MARF1: variants seen among roughly 807,000 people sequenced by gnomAD.
MARF1 encodes meiosis regulator and mRNA stability factor 1.
MARF1 carries 24 observed loss-of-function variants against 168.2 expected under a neutral mutation model. The ratio of observed to expected loss-of-function variants is 0.14; its 90% CI spans 0.10 to 0.20. The LOEUF is 0.20. Among genes scored for constraint, MARF1 ranks in the 10% least tolerant of loss-of-function variants. MARF1 has a pLI of 1.00. For missense variants in MARF1, 1,744 were observed against 2,143.6 expected (o/e 0.81, Z 3.68); for synonymous variants, 868 against 822.4 (o/e 1.06, Z -0.95).
chr16:15,604,894 T>A (rs1244483569), intron 21 of MARF1, among the ~76,000 whole-genome samples: 1 of 152,152 alleles, frequency 6.6e-6, no homozygotes, highest in East Asian at 1.9e-4. Flanking sequence ...CTACTCTGAT[T>A]ACAAGGCAAG....
At chr16:15,616,995 T>G (rs1278393249) in intron 15 of MARF1, 57 bp downstream of exon 15, 1 of 1,572,994 alleles carries the variant, frequency 6.4e-7, no homozygotes, top group African/African-American at 1.4e-5. Context: ...AAGGGCAGGC[T>G]TCCTATAAAA....
At chr16:15,642,989 T>G in intron 1 of MARF1, 29 bp downstream of exon 1, 2 of 228,326 alleles carry the variant, frequency 8.8e-6, no homozygotes, top group Non-Finnish European at 1.8e-5. Flanking sequence ...CCTGCCGGGG[T>G]CTGGTCGCAG....
At chr16:15,642,615 C>A (rs1361634411) in intron 1 of MARF1, 2 of 152,400 alleles carry the variant, frequency 1.3e-5, no homozygotes, top group Non-Finnish European at 1.5e-5. Flanking sequence ...TGAGACTACA[C>A]CCTATGTGTT....
rs1224087448 is a variant in MARF1 at position 15,623,040 on chromosome 16, T to A, written c.2354A>T (p.Asp785Val). Reference sequence around the variant, plus strand: ...GACATCAGCACCATTTGCAAATGGGTCTGGGCAGTCGGCTTCGCTGCTCGA... The same window carrying A: ...GACATCAGCACCATTTGCAAATGGGACTGGGCAGTCGGCTTCGCTGCTCGA... Reference protein sequence around the residue: ...ANSSSEADCPDPFANGADVQV... With the variant: ...ANSSSEADCPVPFANGADVQV... The change falls in exon 11 of 27, where the codon GAC becomes GTC. Residue 785 changes from aspartate to valine, a missense_variant. Asp to Val is a radical substitution (Grantham distance 152). Around this residue, in one of 7 missense-constraint regions of MARF1, gnomAD observed 270 missense variants for 260.6 expected, o/e 1.04. Coordinates refer to ENST00000396368, the MANE Select transcript of MARF1 (RefSeq NM_014647.4). The A allele has an allele frequency of 6.2e-7, 1 of 1,611,690 alleles. No individual in the cohort carries two copies. The highest frequency in any genetic ancestry group is 8.5e-7 in the Non-Finnish European group (1 of 1,177,970).
chr16:15,615,843 C>G lies in MARF1; in HGVS notation c.3240G>C (p.Pro1080=). The G allele has an allele frequency of 6.4e-7, 1 of 1,564,014 alleles. No homozygotes were observed. Among genetic ancestry groups the G allele is most frequent in the Non-Finnish European group, 8.7e-7 (1 of 1,152,878 alleles). ...KVVKWIHNKP[P]PPNTDPWLLR... ...CCTGACACCTACCAGTGTTGGGAGG[C>G]GGGGGCTTGTTGTGAATCCATTTAA... is the stretch of plus-strand genomic sequence containing the variant. Residue 1080 remains proline, a synonymous_variant, in exon 16 of 27, where the codon CCG becomes CCC. Coordinates refer to ENST00000396368, the MANE Select transcript of MARF1 (RefSeq NM_014647.4).
chr16:15,642,903 C>A (rs1053863586), intron 1 of MARF1, 115 bp downstream of exon 1: 6 of 175,104 alleles, frequency 3.4e-5, no homozygotes, highest in Non-Finnish European at 6.1e-5. Flanking sequence ...CCCCTCTCCA[C>A]CACCATCCCA....
In MARF1 at chr16:15,630,411, A is replaced by C; in HGVS notation, c.1445T>G (p.Leu482Arg). The C allele has an allele frequency of 6.2e-7, 1 of 1,614,172 alleles. No individual in the cohort carries two copies. The highest frequency in any genetic ancestry group is 8.5e-7 in the Non-Finnish European group (1 of 1,179,988). The change falls in exon 7 of 27, where the codon CTG becomes CGG. Residue 482 changes from leucine (L) to arginine (R), a missense_variant. Physicochemically the swap from Leu to Arg is moderately radical, Grantham distance 102 (BLOSUM62 -2). This residue lies in a region of MARF1 where 217 missense variants were observed against 372.4 expected (regional missense o/e 0.58). Transcript: ENST00000396368. ...GATCAGCTCGTTAGCATGATGCAGC[A>C]GTGCTTCTGAGGCCTGGTTTTTATG... is the stretch of plus-strand genomic sequence containing the variant. ...LVHKNQASEA[L>R]LHHANELIRF... is the part of the protein sequence containing the mutation.
chr16:15,598,938 G>A lies in MARF1; in HGVS notation c.4900C>T (p.Pro1634Ser). ...GGGTCTGGTCTCAGCTGAGGGGACG[G>A]CAGGCACGAGGGGACAGGCGCACAC... Reference protein sequence around the residue: ...LLCAPVPSCLPSPQLRPDPVI... With the variant: ...LLCAPVPSCLSSPQLRPDPVI... The change falls in exon 26 of 27, where the codon CCG becomes TCG. Residue 1634 changes from proline to serine, a missense_variant. By Grantham distance (74) the Pro-to-Ser change is moderately conservative. Coordinates refer to ENST00000396368, the MANE Select transcript of MARF1 (RefSeq NM_014647.4). 6.2e-7 allele frequency: 1 copy of A among 1,613,796 alleles called. No homozygotes were observed. Among genetic ancestry groups the A allele is most frequent in the Non-Finnish European group, 8.5e-7 (1 of 1,179,944 alleles).
At chr16:15,598,284 G>A (rs928147039) in intron 26 of MARF1, among the ~76,000 whole-genome samples, 1 of 152,134 alleles carries the variant, frequency 6.6e-6, no homozygotes. Context: ...TTTATTCCAC[G>A]GCTCTCACCT....
chr16:15,627,390 C>T (rs1184310868), intron 7 of MARF1, among the ~76,000 whole-genome samples: 9 of 151,996 alleles, frequency 5.9e-5, no homozygotes, highest in East Asian at 1.9e-4. Context: ...GAGGCCAAAG[C>T]GGGTGATCAC....
chr16:15,628,704 C>T (rs975504207), intron 7 of MARF1, among the ~76,000 whole-genome samples: 33 of 152,298 alleles, frequency 2.2e-4, no homozygotes, highest in African/African-American at 6.7e-4. Flanking sequence ...GCGTGAGCCA[C>T]ATCACTCGGC....
At chr16:15,600,120 T>A (rs2032258263) in intron 25 of MARF1, among the ~76,000 whole-genome samples, 2 of 152,194 alleles carry the variant, frequency 1.3e-5, no homozygotes, top group Admixed American at 1.3e-4. Flanking sequence ...GCAAGTGTCA[T>A]GAATATCCAT....
chr16:15,639,432 GCT>G, intron 1 of MARF1, 141 bp from the exon 2 acceptor site: 1 of 621,548 alleles, frequency 1.6e-6, no homozygotes, highest in Non-Finnish European at 2.7e-6. Flanking sequence ...AGGAAGTCTC[GCT>G]CTGTCGCCCA....
chr16:15,597,690 CAAGAG>C (rs1567521246), intron 26 of MARF1, among the ~76,000 whole-genome samples: 2 of 152,326 alleles, frequency 1.3e-5, no homozygotes, highest in Admixed American at 6.5e-5. Flanking sequence ...GGCTGACCCT[CAAGAG>C]AAGAGCGGCT....
intron 16 of MARF1, 121 bp from the exon 17 acceptor site, chr16:15,612,898 C>T (rs2033695199): frequency 1.4e-6 from 1 of 731,114 alleles, no homozygotes; most frequent in Admixed American, 2.3e-5. Flanking sequence ...AAACCAAATA[C>T]AGTAGCTGCT....
At chr16:15,633,522 G>T in intron 5 of MARF1, 95 bp downstream of exon 5, 1 of 936,280 alleles carries the variant, frequency 1.1e-6, no homozygotes, top group Admixed American at 2.4e-5. Flanking sequence ...CTCCAGCCTG[G>T]GTGACACTTA....
intron 17 of MARF1, among the ~76,000 whole-genome samples, 157 bp downstream of exon 17, chr16:15,612,400 C>T (rs1208066016): frequency 6.6e-6 from 1 of 152,204 alleles, no homozygotes; most frequent in African/African-American, 2.4e-5. Flanking sequence ...TGAGAAGCCG[C>T]CTGTGTGTGT....
intron 4 of MARF1, 62 bp from the exon 5 acceptor site, chr16:15,633,905 G>C (rs2035413374): frequency 1.5e-6 from 2 of 1,308,036 alleles, no homozygotes; most frequent in East Asian, 2.3e-5. Context: ...GTTACAATAA[G>C]ATAATAAACT....
Position 15,604,302 on chromosome 16 carries a change from C to T in MARF1, c.4279G>A (p.Glu1427Lys), listed in dbSNP as rs371389972. 5 of 1,613,908 alleles carry T rather than the reference C, an allele frequency of 3.1e-6. No homozygotes were observed. Among genetic ancestry groups the T allele is most frequent in the Non-Finnish European group, 3.4e-6 (4 of 1,179,978 alleles). The change falls in exon 22 of 27, where the codon GAA (glutamate) becomes AAA (lysine). Residue 1427 changes from glutamate to lysine, a missense_variant. Coordinates refer to ENST00000396368, the MANE Select transcript of MARF1 (RefSeq NM_014647.4). ...TCAACAGAAAGATGGGTGGTTCCTT[C>T]CCAAGACATCAACAATACCAGCAAC... ...AQLLVLLMSW[E>K]GTTHLSVEEL...
Sources: allele counts gnomAD v4.1 joint callset (sites outside exome capture counted in the v4.1 genomes callset), GRCh38; gene constraint gnomAD v4.1.1; regional missense constraint gnomAD v4.1.1; transcripts MANE v1.5; gene names NCBI Gene and HGNC (gene_info 2026-07-23, HGNC 2026-07-21).